Variants in NTRK3 observed in about 807,000 individuals in gnomAD.
The protein encoded by NTRK3 is neurotrophic receptor tyrosine kinase 3.
Under a neutral mutation model 91.7 loss-of-function variants are expected in NTRK3, and 24 were observed. The observed-to-expected ratio is 0.26, with a 90% CI of 0.19 to 0.37. NTRK3 has a LOEUF of 0.37. NTRK3 is among the 10% of genes least tolerant of loss of function. The pLI is 1.00. For missense variants in NTRK3, 880 were observed against 1,068.9 expected, an observed-to-expected ratio of 0.82 and a Z score of 2.46; for synonymous variants, 483 against 404.0, an observed-to-expected ratio of 1.20 and a Z score of -2.34.
At chr15:87,892,460 ATCTT>A (rs2065900442) in intron 17 of NTRK3, among the ~76,000 whole-genome samples, 1 of 152,182 alleles carries the variant, frequency 6.6e-6, no homozygotes, top group African/African-American at 2.4e-5. Flanking sequence ...CCATCAATTT[ATCTT>A]TCTTAGTTTA....
rs1016671205 is a variant in NTRK3, at chr15:88,174,870, C to T, written c.395+8548G>A. Among the ~76,000 whole-genome samples, 6 of 152,346 alleles carry T rather than the reference C, an allele frequency of 3.9e-5. No individual in the cohort carries two copies. The East Asian group carries it at 9.6e-4, about 24-fold the overall frequency. On this transcript the variant is annotated intron_variant, in intron 5 of 18. Transcript: ENST00000394480. ...CTGGAAGTCCCTGGAGAATGTCAGC[C>T]GTTTCTGCAATCTGTCAAAGGTGTG...
At chr15:88,032,820 C>A (rs764232066) in intron 14 of NTRK3, 37 bp downstream of exon 14, 1 of 1,612,288 alleles carries the variant, frequency 6.2e-7, no homozygotes. Flanking sequence ...CCACCCTCCC[C>A]TCCCCAGGAG....
intron 14 of NTRK3, among the ~76,000 whole-genome samples, chr15:87,999,420 T>G (rs928501235): frequency 6.6e-6 from 1 of 152,220 alleles, no homozygotes; most frequent in Non-Finnish European, 1.5e-5. Context: ...TATCCCCCAC[T>G]ATTACCAGAT....
intron 14 of NTRK3, among the ~76,000 whole-genome samples, chr15:87,946,007 C>T (rs1446570754): frequency 1.3e-5 from 2 of 152,136 alleles, no homozygotes; most frequent in Non-Finnish European, 2.9e-5. Context: ...ATATATTAGA[C>T]ATTTAACAGA....
At chr15:88,183,348 G>A (rs2151612076) in intron 5 of NTRK3, 70 bp downstream of exon 5, 1 of 1,526,132 alleles carries the variant, frequency 6.6e-7, no homozygotes, top group East Asian at 2.3e-5. Context: ...CTAGACCTCA[G>A]GTCTCCGGTT....
rs117192453 is a variant in NTRK3, at chr15:88,139,434, C to G, written c.465-1873G>C. On this transcript the variant is annotated intron_variant, in intron 6 of 18. Transcript: ENST00000394480. ...GGATATTTTTGACAACTGGAAAACT[C>G]CAAAATAGTTAAGCATGCATCAAAA... Among the ~76,000 whole-genome samples the G allele has an allele frequency of 2.8e-4, 42 of 152,000 alleles. No homozygotes were observed. In the East Asian group the frequency reaches 2.9e-3, roughly 10 times the overall value.
intron 3 of NTRK3, among the ~76,000 whole-genome samples, chr15:88,227,125 G>T (rs892532453): frequency 2.6e-5 from 4 of 152,134 alleles, no homozygotes; most frequent in Non-Finnish European, 5.9e-5. Context: ...GCTTCAGTTT[G>T]CACCTCTTAT....
chr15:87,969,680 C>T (rs565652725), intron 14 of NTRK3, among the ~76,000 whole-genome samples: 71 of 152,264 alleles, frequency 4.7e-4, no homozygotes, highest in South Asian at 2.3e-3. Context: ...TCCCTCTCTC[C>T]CTCCTCCTCT....
intron 5 of NTRK3, among the ~76,000 whole-genome samples, chr15:88,163,625 C>T (rs1415880391): frequency 6.6e-6 from 1 of 152,164 alleles, no homozygotes; most frequent in Non-Finnish European, 1.5e-5. Flanking sequence ...AGAGTAGGTG[C>T]TTAGTAGATG....
At chr15:88,140,366 A>T (rs551624107) in intron 6 of NTRK3, among the ~76,000 whole-genome samples, 12 of 152,336 alleles carry the variant, frequency 7.9e-5, no homozygotes, top group African/African-American at 2.6e-4. Context: ...TCCACTCTGT[A>T]CACTCTTGGC....
rs151254766 is a variant in NTRK3 at position 87,885,103 on chromosome 15, A to G, written c.2134-4675T>C. 9.6e-4 allele frequency among the ~76,000 whole-genome samples: 146 copies of G among 152,040 alleles called. 1 individual carries two copies. The Middle Eastern group carries it at 0.01, about 11-fold the overall frequency. On this transcript the variant is annotated intron_variant, in intron 17 of 18. Coordinates refer to ENST00000394480, the Ensembl canonical transcript of NTRK3. ...AAGAGAAACACACAAAAATCAAACTATTCTCACATGCCGGTGGCAATGACT... is the reference window on the plus strand; with the variant it reads ...AAGAGAAACACACAAAAATCAAACTGTTCTCACATGCCGGTGGCAATGACT...
rs141912247 is a variant in NTRK3 at position 88,074,098 on chromosome 15, C to T, written c.1397-41053G>A. ...TGATGAACACCGACCATGTGCCAAG[C>T]GCCATGGAGCAAGCTTAATGTACAC... On this transcript the variant is annotated intron_variant, in intron 13 of 18. Coordinates refer to ENST00000394480, the Ensembl canonical transcript of NTRK3. Among the ~76,000 whole-genome samples, 210 of 152,304 alleles carry T rather than the reference C, an allele frequency of 1.4e-3. 2 individuals are homozygous for T. The highest frequency in any genetic ancestry group is 4.7e-3 in the African/African-American group (195 of 41,560).
intron 18 of NTRK3, 75 bp from the exon 20 acceptor site, chr15:87,877,195 G>A (rs2141440170): frequency 1.4e-6 from 2 of 1,479,250 alleles, no homozygotes; most frequent in East Asian, 2.3e-5. Flanking sequence ...TCGGCAAAAA[G>A]CAACAACTTC....
At chr15:88,157,238 C>G (rs1017548328) in intron 5 of NTRK3, among the ~76,000 whole-genome samples, 7 of 152,152 alleles carry the variant, frequency 4.6e-5, no homozygotes, top group Non-Finnish European at 1.0e-4. Flanking sequence ...CTCACACACA[C>G]ACACCACACT....
intron 5 of NTRK3, among the ~76,000 whole-genome samples, chr15:88,179,213 CCAG>C (rs2151574394): frequency 6.6e-6 from 1 of 152,282 alleles, no homozygotes; most frequent in African/African-American, 2.4e-5. Context: ...TTTTCTGATA[CCAG>C]CAGTTTTATG....
At chr15:88,217,535 G>A (rs1454596491) in intron 3 of NTRK3, among the ~76,000 whole-genome samples, 1 of 152,164 alleles carries the variant, frequency 6.6e-6, no homozygotes, top group African/African-American at 2.4e-5. Context: ...ACTTACATGA[G>A]GTACCTAGAA....
exon 12 of NTRK3, chr15:88,127,192 C>A: frequency 6.2e-7 from 1 of 1,614,032 alleles, no homozygotes; most frequent in South Asian, 1.1e-5. Context: ...GTTTGTGGGT[C>A]ACAGTGATAG....
chr15:87,862,877 T>A lies in NTRK3; in HGVS notation c.*14058A>T, dbSNP rs529022495. ...GTCTCCAAAATGAATAACAGCAGCA[T>A]CACTGGGACCTTTTCTGTCCCCAAA... On this transcript the variant is annotated 3_prime_UTR_variant, in exon 19 of 19. Coordinates refer to ENST00000394480, the Ensembl canonical transcript of NTRK3. The A allele has an allele frequency of 4.5e-4, 104 of 230,868 alleles. 1 individual carries two copies. Among genetic ancestry groups the A allele is most frequent in the African/African-American group, 2.2e-3 (99 of 45,314 alleles). 14.3% of individuals were successfully genotyped at this position (230,868 alleles called of 1,614,324 possible).
At chr15:87,988,073 T>A (rs2074984887) in intron 14 of NTRK3, among the ~76,000 whole-genome samples, 1 of 152,182 alleles carries the variant, frequency 6.6e-6, no homozygotes, top group Non-Finnish European at 1.5e-5. Flanking sequence ...AATGTAGTTT[T>A]GCAGTGGAGA....
Sources: gnomAD v4.1 joint callset for allele counts (sites outside exome capture counted in the v4.1 genomes callset) on GRCh38, gnomAD v4.1.1 for gene constraint, MANE v1.5 for transcripts, NCBI Gene and HGNC (gene_info 2026-07-23, HGNC 2026-07-21) for gene names.